Variants in TAFA4 observed in about 807,000 individuals in gnomAD.
TAFA4 encodes TAFA chemokine like family member 4.
In TAFA4, 20 loss-of-function variants were observed where a neutral mutation model predicts 21.1. The observed-to-expected ratio is 0.95, with a 90% confidence interval of 0.67 to 1.38. The LOEUF (loss-of-function observed/expected upper bound fraction) is 1.38, where lower values mean the gene tolerates loss of function less well. Ranked by LOEUF, TAFA4 falls within the 40% of genes most tolerant of loss-of-function variation. The pLI is 0.00. For synonymous variants in TAFA4, 71 were observed against 67.4 expected (o/e 1.05, Z -0.26); for missense variants, 211 against 180.9 (o/e 1.17, Z -0.95).
At chr3:68,854,027 TA>T (rs1205125828) in intron 3 of TAFA4, among the ~76,000 whole-genome samples, 1 of 152,170 alleles carries the variant, frequency 6.6e-6, no homozygotes, top group Non-Finnish European at 1.5e-5. Context: ...AAAATATAAT[TA>T]TTTTCATTGG....
At chr3:68,802,877 A>G (rs1703605912) in intron 3 of TAFA4, among the ~76,000 whole-genome samples, 1 of 152,240 alleles carries the variant, frequency 6.6e-6, no homozygotes, top group Admixed American at 6.5e-5. Flanking sequence ...CAATTAAATT[A>G]CCACATTTTC....
At chr3:68,736,020 C>A (rs1702234991) in intron 5 of TAFA4, among the ~76,000 whole-genome samples, 1 of 152,040 alleles carries the variant, frequency 6.6e-6, no homozygotes, top group Non-Finnish European at 1.5e-5. Flanking sequence ...TGGTTGAGAA[C>A]TGCTACTCTA....
intron 1 of TAFA4, among the ~76,000 whole-genome samples, chr3:68,889,408 C>A (rs1266889704): frequency 6.6e-6 from 1 of 151,874 alleles, no homozygotes. Flanking sequence ...GATTTCTTAT[C>A]AAGGAAAATA....
intron 3 of TAFA4, among the ~76,000 whole-genome samples, chr3:68,829,203 A>G (rs1425967257): frequency 6.6e-6 from 1 of 152,196 alleles, no homozygotes; most frequent in Non-Finnish European, 1.5e-5. Flanking sequence ...AAACAGATAT[A>G]TAGACCAATG....
chr3:68,847,517 C>G (rs780449938), intron 3 of TAFA4, among the ~76,000 whole-genome samples: 22 of 152,212 alleles, frequency 1.4e-4, no homozygotes, highest in Non-Finnish European at 2.8e-4. Flanking sequence ...GTGAATGGTT[C>G]TCTCTCACTG....
rs1041926513 is a variant in TAFA4 at position 68,867,305 on chromosome 3, A to G, written c.130+13425T>C. Among the ~76,000 whole-genome samples the G allele has an allele frequency of 3.3e-5, 5 of 152,112 alleles. No individual in the cohort carries two copies. The East Asian group carries it at 9.6e-4, about 29-fold the overall frequency. On this transcript the variant is annotated intron_variant, in intron 3 of 5. Coordinates refer to ENST00000295569, the MANE Select transcript of TAFA4 (RefSeq NM_182522.5). Reference sequence around the variant, plus strand: ...ATTCAAACTGCTAAAGAAAAAAACCATAAGCCAAGAATACTGCACCCAGAA... The same window carrying G: ...ATTCAAACTGCTAAAGAAAAAAACCGTAAGCCAAGAATACTGCACCCAGAA...
intron 3 of TAFA4, among the ~76,000 whole-genome samples, chr3:68,810,322 G>A (rs369472261): frequency 2.4e-4 from 36 of 152,134 alleles, no homozygotes; most frequent in East Asian, 1.9e-3. Flanking sequence ...TCGGACAGTG[G>A]GTGCAAGACA....
At chr3:68,819,263 C>T (rs1559532014) in intron 3 of TAFA4, among the ~76,000 whole-genome samples, 2 of 132,414 alleles carry the variant, frequency 1.5e-5, no homozygotes, top group African/African-American at 5.9e-5. Context: ...GAGTGAGACC[C>T]TGTCTTTAAT....
intron 3 of TAFA4, among the ~76,000 whole-genome samples, chr3:68,867,719 T>G (rs1324850225): frequency 1.3e-5 from 2 of 152,108 alleles, no homozygotes; most frequent in East Asian, 3.9e-4. Context: ...AGGGTTTTTG[T>G]TTTTCATTTG....
chr3:68,840,551 G>C (rs971552283), intron 3 of TAFA4, among the ~76,000 whole-genome samples: 3 of 152,124 alleles, frequency 2.0e-5, no homozygotes, highest in African/African-American at 7.2e-5. Context: ...TTTTTAAGTA[G>C]TCTCCCTGAG....
At chr3:68,742,713 T>G (rs1702380531) in intron 4 of TAFA4, among the ~76,000 whole-genome samples, 1 of 152,164 alleles carries the variant, frequency 6.6e-6, no homozygotes, top group Non-Finnish European at 1.5e-5. Context: ...CCCCAAAACC[T>G]TTTGAAATAA....
At position 68,869,186 on chromosome 3, in the gene TAFA4, A is replaced by G. The variant is rs115313380; in HGVS notation, c.130+11544T>C. Among the ~76,000 whole-genome samples the G allele has an allele frequency of 6.5e-3, 993 of 152,134 alleles. 9 individuals are homozygous for G. The highest frequency in any genetic ancestry group is 0.023 in the African/African-American group (954 of 41,554). On this transcript the variant is annotated intron_variant, in intron 3 of 5. Transcript: ENST00000295569. ...AGAAATAGAAAACTCAAACAGATCA[A>G]TAACAAATAATGAGATTAAGGCAGT... is the stretch of plus-strand genomic sequence containing the variant.
At chr3:68,740,800 T>C (rs773816054) in intron 4 of TAFA4, among the ~76,000 whole-genome samples, 4 of 152,200 alleles carry the variant, frequency 2.6e-5, no homozygotes, top group Non-Finnish European at 5.9e-5. Flanking sequence ...TACATTTACA[T>C]CCTTTTCAAG....
intron 1 of TAFA4, among the ~76,000 whole-genome samples, chr3:68,911,471 G>A (rs2089961280): frequency 1.3e-5 from 2 of 152,176 alleles, no homozygotes; most frequent in Admixed American, 6.5e-5. Context: ...CACACCCCAG[G>A]TGATGGGTAT....
chr3:68,863,608 T>C (rs1056921152), intron 3 of TAFA4, among the ~76,000 whole-genome samples: 24 of 152,160 alleles, frequency 1.6e-4, no homozygotes, highest in African/African-American at 5.5e-4. Flanking sequence ...TTTGTTGTAG[T>C]AATTTTTCAT....
chr3:68,877,451 C>A (rs2089564039), intron 3 of TAFA4, among the ~76,000 whole-genome samples: 1 of 152,168 alleles, frequency 6.6e-6, no homozygotes, highest in African/African-American at 2.4e-5. Flanking sequence ...GAAACTATGA[C>A]CAGCTAACCT....
intron 3 of TAFA4, among the ~76,000 whole-genome samples, chr3:68,799,180 C>T (rs1034692443): frequency 1.3e-5 from 2 of 152,140 alleles, no homozygotes; most frequent in Non-Finnish European, 2.9e-5. Flanking sequence ...GTATCTTAGT[C>T]CATTCAGGCT....
Position 68,880,790 on chromosome 3 carries a change from C to G in TAFA4, c.70G>C (p.Val24Leu). 2 of 1,613,858 alleles carry G rather than the reference C, an allele frequency of 1.2e-6. No homozygotes were observed. Among genetic ancestry groups the G allele is most frequent in the East Asian group, 2.2e-5 (1 of 44,840 alleles). The change falls in exon 3 of 6, where the codon GTG becomes CTG. Residue 24 changes from valine (V) to leucine (L), a missense_variant. Coordinates refer to ENST00000295569, the MANE Select transcript of TAFA4 (RefSeq NM_182522.5). ...ATCAGCTTACAGCACACCATTAACACGTAGGCTAGAAAGAGCCAGTGCGAC... is the reference window on the plus strand; with the variant it reads ...ATCAGCTTACAGCACACCATTAACAGGTAGGCTAGAAAGAGCCAGTGCGAC... ...LLSHWLFLAYVLMVCCKLMSA... is the reference protein window; with the variant it reads ...LLSHWLFLAYLLMVCCKLMSA...
chr3:68,804,485 C>T (rs962925075), intron 3 of TAFA4, among the ~76,000 whole-genome samples: 2 of 152,126 alleles, frequency 1.3e-5, no homozygotes, highest in Admixed American at 6.6e-5. Context: ...AGAGCCCACA[C>T]TGCCAAGTCA....
Sources: gnomAD v4.1 joint callset for allele counts (sites outside exome capture counted in the v4.1 genomes callset) on GRCh38, gnomAD v4.1.1 for gene constraint, MANE v1.5 for transcripts, NCBI Gene and HGNC (gene_info 2026-07-23, HGNC 2026-07-21) for gene names.